The following FAT3 variants were observed in gnomAD, a reference collection of about 807,000 sequenced individuals.
The protein encoded by FAT3 is FAT atypical cadherin 3.
FAT3 carries 95 observed loss-of-function variants against 310.2 expected under a neutral mutation model. The observed-to-expected ratio is 0.31, with a 90% CI of 0.26 to 0.36. The LOEUF (loss-of-function observed/expected upper bound fraction) is 0.36. FAT3 is among the 10% of genes least tolerant of loss of function. The pLI, the probability that FAT3 is intolerant of heterozygous loss-of-function variation, is 1.00. For synonymous variants in FAT3, 2,314 were observed against 2,192.9 expected, an observed-to-expected ratio of 1.06 and a Z score of -1.54; for missense variants, 5,408 against 5,715.6, an observed-to-expected ratio of 0.95 and a Z score of 1.74.
intron 4 of FAT3, 77 bp downstream of exon 4, chr11:92,697,522 C>T (rs1162159841): frequency 2.3e-6 from 3 of 1,318,758 alleles, no homozygotes; most frequent in Non-Finnish European, 1.1e-6. Context: ...ATAAACTACA[C>T]CTTCAATATA....
chr11:92,453,495 TA>T (rs1337908109), intron 2 of FAT3, among the ~76,000 whole-genome samples: 4 of 151,792 alleles, frequency 2.6e-5, no homozygotes, highest in African/African-American at 4.9e-5. Context: ...TTTTTTTTTG[TA>T]AAAAAGAAAG....
At chr11:92,334,849 A>G (rs1193874378) in intron 1 of FAT3, among the ~76,000 whole-genome samples, 1 of 152,306 alleles carries the variant, frequency 6.6e-6, no homozygotes, top group Non-Finnish European at 1.5e-5. Context: ...GAGCTGACTC[A>G]GATAAGAATT....
At chr11:92,377,123 AACC>A (rs2134744751) in intron 2 of FAT3, among the ~76,000 whole-genome samples, 1 of 152,338 alleles carries the variant, frequency 6.6e-6, no homozygotes, top group Non-Finnish European at 1.5e-5. Context: ...AAATGAGTGA[AACC>A]CAATACAGGC....
chr11:92,484,328 G>T (rs2135206001), intron 2 of FAT3, among the ~76,000 whole-genome samples: 1 of 151,970 alleles, frequency 6.6e-6, no homozygotes, highest in South Asian at 2.1e-4. Context: ...AAATTTTTCA[G>T]TTTAGGCACA....
intron 1 of FAT3, among the ~76,000 whole-genome samples, chr11:92,300,949 A>G (rs1035885854): frequency 1.3e-5 from 2 of 152,146 alleles, no homozygotes; most frequent in African/African-American, 4.8e-5. Context: ...CTTGAAGATA[A>G]TGGCAGCAGG....
rs1237640454 is a variant in FAT3, at chr11:92,294,623, G to A, written c.-17-57473G>A. ...AGCCATCAAGAGTTCATTCTATGTTGTTGTCTATTGCTAACACAAAGAAAA... is the reference window on the plus strand; with the variant it reads ...AGCCATCAAGAGTTCATTCTATGTTATTGTCTATTGCTAACACAAAGAAAA... On this transcript the variant is annotated intron_variant, in intron 1 of 27. Transcript: ENST00000525166. Among the ~76,000 whole-genome samples, 18 of 151,612 alleles carry A rather than the reference G, an allele frequency of 1.2e-4. 1 individual carries two copies. The highest frequency in any genetic ancestry group is 1.2e-3 in the Admixed American group (18 of 15,214).
At chr11:92,877,017 G>C (rs1231187797) in intron 22 of FAT3, among the ~76,000 whole-genome samples, 1 of 152,166 alleles carries the variant, frequency 6.6e-6, no homozygotes, top group Non-Finnish European at 1.5e-5. Flanking sequence ...GCAGCTTGCT[G>C]TTACAACCCC....
intron 2 of FAT3, among the ~76,000 whole-genome samples, chr11:92,394,306 G>A (rs563848): frequency 0.37 from 55,725 of 151,994 alleles, 14,530 homozygotes; most frequent in African/African-American, 0.74. Context: ...CTGTCTCTAT[G>A]AAAAGTACAA....
intron 3 of FAT3, among the ~76,000 whole-genome samples, chr11:92,618,591 A>G (rs889347470): frequency 8.5e-5 from 13 of 152,180 alleles, no homozygotes; most frequent in Admixed American, 8.5e-4. Context: ...AGCTGTTCCT[A>G]TTCGGCCATC....
chr11:92,846,591 TGATGGAGATAGAGGG>T (rs1432429661), intron 19 of FAT3, among the ~76,000 whole-genome samples: 1 of 152,214 alleles, frequency 6.6e-6, no homozygotes, highest in Non-Finnish European at 1.5e-5. Flanking sequence ...GGAGTGGTTT[TGATGGAGATAGAGGG>T]GTTGCTCTTG....
chr11:92,782,906 C>T (rs1293726062), intron 7 of FAT3, among the ~76,000 whole-genome samples: 1 of 152,124 alleles, frequency 6.6e-6, no homozygotes, highest in Non-Finnish European at 1.5e-5. Flanking sequence ...GTTTTATGGC[C>T]TCCCTTCATC....
intron 4 of FAT3, among the ~76,000 whole-genome samples, chr11:92,752,046 G>C (rs1036701979): frequency 6.6e-6 from 1 of 152,148 alleles, no homozygotes; most frequent in Non-Finnish European, 1.5e-5. Flanking sequence ...AGAGGCAGCA[G>C]CACATAATGT....
In FAT3 at chr11:92,805,316, T is replaced by G. The variant is rs1591759441; in HGVS notation, c.9060T>G (p.Ser3020Arg). The G allele has an allele frequency of 1.2e-6, 2 of 1,613,616 alleles. No individual in the cohort carries two copies. The change falls in exon 11 of 28, where the codon AGT (serine) becomes AGG (arginine). Residue 3020 changes from serine (S) to arginine (R), a missense_variant. Physicochemically the swap from Ser to Arg is moderately radical, Grantham distance 110. Around this residue, in one of 5 missense-constraint regions of FAT3, gnomAD observed 4,588 missense variants for 4,809.8 expected, o/e 0.95. Transcript: ENST00000525166. The part of the protein sequence containing the change: ...VTQAMVEVSV[S>R]DVNDNSPVCD... ...AGGCCATGGTGGAAGTGAGCGTCAG[T>G]GATGTGAATGACAATAGCCCAGTGT...
chr11:92,417,200 C>A (rs187205045), intron 2 of FAT3, among the ~76,000 whole-genome samples: 1 of 152,076 alleles, frequency 6.6e-6, no homozygotes, highest in Admixed American at 6.5e-5. Context: ...AAATGCTAAC[C>A]TATTATGCAA....
rs535866257 is a variant in FAT3 at position 92,371,707 on chromosome 11, A to G, written c.3292+16303A>G. On this transcript the variant is annotated intron_variant, in intron 2 of 27. Transcript: ENST00000525166. ...GCTCCAGCTTGGACAACAGAGCAGG[A>G]CTCTGTACACCCCTCCCTGCCCCGC... Among the ~76,000 whole-genome samples the G allele has an allele frequency of 9.2e-5, 14 of 152,068 alleles. No individual in the cohort carries two copies. The South Asian group carries it at 2.5e-3, about 27-fold the overall frequency.
At chr11:92,595,424 G>C (rs1263990777) in intron 3 of FAT3, among the ~76,000 whole-genome samples, 4 of 152,160 alleles carry the variant, frequency 2.6e-5, no homozygotes, top group Non-Finnish European at 5.9e-5. Context: ...TTTATTTCCT[G>C]ACAGGCTTTT....
intron 1 of FAT3, among the ~76,000 whole-genome samples, chr11:92,301,786 T>G (rs1428392814): frequency 6.6e-6 from 1 of 152,102 alleles, no homozygotes; most frequent in Non-Finnish European, 1.5e-5. Context: ...TCATCTTGTG[T>G]GCCTCATAGT....
At chr11:92,337,621 AG>A (rs1948124007) in intron 1 of FAT3, among the ~76,000 whole-genome samples, 1 of 152,162 alleles carries the variant, frequency 6.6e-6, no homozygotes, top group African/African-American at 2.4e-5. Flanking sequence ...TAGTAGAGAC[AG>A]GGTTTCGCCA....
intron 4 of FAT3, among the ~76,000 whole-genome samples, chr11:92,723,449 C>G (rs906379904): frequency 6.6e-6 from 1 of 152,196 alleles, no homozygotes; most frequent in African/African-American, 2.4e-5. Context: ...AAGTTCCAAA[C>G]TTTCCCATAT....
Sources: gnomAD v4.1 joint callset for allele counts (sites outside exome capture counted in the v4.1 genomes callset) on GRCh38, gnomAD v4.1.1 for gene constraint, gnomAD v4.1.1 regional missense constraint, MANE v1.5 for transcripts, NCBI Gene and HGNC (gene_info 2026-07-23, HGNC 2026-07-21) for gene names.